The following DOT1L variants were observed in gnomAD, a reference collection of about 807,000 sequenced individuals.
DOT1L encodes DOT1 like histone lysine methyltransferase.
Under a neutral mutation model 153.3 loss-of-function variants are expected in DOT1L, and 33 were observed. The ratio of observed to expected loss-of-function variants is 0.22; its 90% CI spans 0.16 to 0.29. The LOEUF is 0.29. Ranked by LOEUF, DOT1L falls within the 10% of genes least tolerant of loss-of-function variation. DOT1L has a pLI of 1.00. For missense variants in DOT1L, 1,847 were observed against 2,119.9 expected, an observed-to-expected ratio of 0.87 and a Z score of 2.53; for synonymous variants, 1,135 against 965.1, an observed-to-expected ratio of 1.18 and a Z score of -3.26.
rs2023555167 is a variant in DOT1L at position 2,207,666 on chromosome 19, A to G, written c.949A>G (p.Ile317Val). 4 of 1,612,114 alleles carry G rather than the reference A, an allele frequency of 2.5e-6. No individual in the cohort carries two copies. The highest frequency in any genetic ancestry group is 1.3e-5 in the African/African-American group (1 of 74,850). ...GCCAGTCTCCTACTACCTGCACACT[A>G]TCGACCGCACCATAGTGAGTATCTC... is the stretch of plus-strand genomic sequence containing the variant. ...GKPVSYYLHT[I>V]DRTILENYFS... Residue 317 changes from isoleucine (I) to valine (V), a missense_variant, in exon 11 of 28, where the codon ATC becomes GTC. Around this residue, in one of 8 missense-constraint regions of DOT1L, gnomAD observed 148 missense variants for 422.3 expected, o/e 0.35. Transcript: ENST00000398665. The surrounding 1 kb of genome is among the most constrained non-coding windows in gnomAD (Gnocchi z 4.5).
rs965675718 is a variant in DOT1L, at chr19:2,191,776, C to G, written c.493+536C>G. On this transcript the variant is annotated intron_variant, in intron 5 of 27. Coordinates refer to ENST00000398665, the MANE Select transcript of DOT1L (RefSeq NM_032482.3). The surrounding 1 kb of genome is among the most constrained non-coding windows in gnomAD (Gnocchi z 6.8). ...CCCCTGCGTCTGGGCCGTGCCCTGC[C>G]CCTCCCAGGTTGGGGCTCCCACCTG... is the stretch of plus-strand genomic sequence containing the variant. 6.6e-6 allele frequency among the ~76,000 whole-genome samples: 1 copy of G among 152,114 alleles called. No individual in the cohort carries two copies. The highest frequency in any genetic ancestry group is 2.4e-5 in the African/African-American group (1 of 41,424).
In DOT1L at chr19:2,230,064, T is replaced by C; in HGVS notation, c.*272T>C. The C allele has an allele frequency of 1.7e-6, 1 of 603,410 alleles. No individual in the cohort carries two copies. The highest frequency in any genetic ancestry group is 2.9e-6 in the Non-Finnish European group (1 of 346,466). 37.4% of individuals were successfully genotyped at this position (603,410 alleles called of 1,614,324 possible). ...TTCCATCTAAGTGGTAAAAGGCAAC[T>C]TATTGAGAAATATAAATATCTATAT... On this transcript the variant is annotated 3_prime_UTR_variant, in exon 28 of 28. Transcript: ENST00000398665.
In DOT1L at chr19:2,216,458, C is replaced by T; in HGVS notation, c.2101C>T (p.Leu701=). The T allele has an allele frequency of 6.2e-7, 1 of 1,612,698 alleles. No homozygotes were observed. The highest frequency in any genetic ancestry group is 8.5e-7 in the Non-Finnish European group (1 of 1,179,946). The stretch of plus-strand genomic sequence containing the variant: ...GGAGCTGGACTGCACCAAGTTCTCG[C>T]TGCCTCACTTGAGCAGCATGAGCCC... ...HLELDCTKFS[L]PHLSSMSPEL... is the part of the protein sequence containing the mutation. The change falls in exon 20 of 28, where the codon CTG becomes TTG. Residue 701 remains leucine (L), a synonymous_variant. Transcript: ENST00000398665.
In DOT1L at chr19:2,179,766, C is replaced by T. The variant is rs905940140; in HGVS notation, c.82-947C>T. Among the ~76,000 whole-genome samples the T allele has an allele frequency of 3.9e-5, 6 of 152,220 alleles. No homozygotes were observed. In the East Asian group the frequency reaches 1.2e-3, roughly 29 times the overall value. ...AGGTTGCAGTGAGCCGAGATTGCAC[C>T]ACTTCACTCCAGCCTGGGCGACAAA... On this transcript the variant is annotated intron_variant, in intron 1 of 27. Coordinates refer to ENST00000398665, the MANE Select transcript of DOT1L (RefSeq NM_032482.3).
chr19:2,175,481 C>T (rs1249021846), intron 1 of DOT1L, among the ~76,000 whole-genome samples: 1 of 152,158 alleles, frequency 6.6e-6, no homozygotes, highest in Non-Finnish European at 1.5e-5. Flanking sequence ...GATAAATTTT[C>T]ATAACTTATT....
chr19:2,164,404 AC>A (rs2019828482), intron 1 of DOT1L, 139 bp downstream of exon 1: 1 of 511,080 alleles, frequency 2.0e-6, no homozygotes, highest in Non-Finnish European at 2.9e-6. Flanking sequence ...TCGCTGCTCC[AC>A]CCCCGTTGCT....
intron 2 of DOT1L, 127 bp from the exon 3 acceptor site, chr19:2,185,728 C>T (rs944203850): frequency 2.1e-5 from 20 of 953,936 alleles, no homozygotes; most frequent in African/African-American, 2.0e-4. Context: ...AAGATCACGA[C>T]ACTGCACTCC....
intron 1 of DOT1L, 124 bp downstream of exon 1, chr19:2,164,389 C>A: frequency 3.5e-6 from 2 of 577,812 alleles, no homozygotes; most frequent in Non-Finnish European, 5.0e-6. Context: ...CCCTGGACTC[C>A]ACTGTCGCTG....
At position 2,217,802 on chromosome 19, in the gene DOT1L, G is replaced by A. The variant is rs753001418; in HGVS notation, c.2575G>A (p.Gly859Arg). 32 of 1,605,068 alleles carry A rather than the reference G, an allele frequency of 2.0e-5. No individual in the cohort carries two copies. Among genetic ancestry groups the A allele is most frequent in the Middle Eastern group, 3.3e-4 (2 of 6,070 alleles). ...GAGAGAGCGCGCCTACGGCAGCAGC[G>A]GGGAGCTCATCACCAGCCTGCCCAT... The part of the protein sequence containing the change: ...GLRERAYGSS[G>R]ELITSLPISI... Residue 859 changes from glycine to arginine, a missense_variant, in exon 22 of 28, where the codon GGG becomes AGG. Physicochemically the swap from Gly to Arg is moderately radical, Grantham distance 125 (BLOSUM62 -2). Transcript: ENST00000398665. The surrounding 1 kb of genome is among the most constrained non-coding windows in gnomAD (Gnocchi z 7.3).
intron 1 of DOT1L, among the ~76,000 whole-genome samples, chr19:2,174,996 A>G (rs2891808): frequency 0.22 from 7,663 of 34,282 alleles, 239 homozygotes; most frequent in East Asian, 0.3. Flanking sequence ...GTGTGTGTGT[A>G]TATATATATT....
In DOT1L at chr19:2,220,400, G is replaced by C. The variant is rs758358615; in HGVS notation, c.2806+178G>C. 7.0e-6 allele frequency: 5 copies of C among 714,284 alleles called. No individual in the cohort carries two copies. Among genetic ancestry groups the C allele is most frequent in the South Asian group, 4.5e-5 (3 of 67,142 alleles). 44.2% of individuals were successfully genotyped at this position (714,284 alleles called of 1,614,324 possible). On this transcript the variant is annotated intron_variant, in intron 23 of 27. Transcript: ENST00000398665. The surrounding 1 kb of genome is among the most constrained non-coding windows in gnomAD (Gnocchi z 4.5). ...TCCTGCATCCCACGAGCTGGGATGCGGATCGGGCTCAGCTGCAGCCATCTC... is the reference window on the plus strand; with the variant it reads ...TCCTGCATCCCACGAGCTGGGATGCCGATCGGGCTCAGCTGCAGCCATCTC...
rs939872664 is a variant in DOT1L at position 2,191,312 on chromosome 19, C to T, written c.493+72C>T. 2.7e-6 allele frequency: 4 copies of T among 1,481,142 alleles called. No homozygotes were observed. In the African/African-American group the frequency reaches 4.2e-5, roughly 15 times the overall value. 91.7% of individuals were successfully genotyped at this position (1,481,142 alleles called of 1,614,324 possible). A position where few individuals can be genotyped will look rare whatever the true frequency, so the allele number is the denominator to read the frequency against. The stretch of plus-strand genomic sequence containing the variant: ...ACGCTCTGTGCCTGCCCCATGCCTG[C>T]TTGGAGAAGAGTTTATCAGGGACTT... On this transcript the variant is annotated intron_variant, in intron 5 of 27. Coordinates refer to ENST00000398665, the MANE Select transcript of DOT1L (RefSeq NM_032482.3). The surrounding 1 kb of genome is among the most constrained non-coding windows in gnomAD (Gnocchi z 6.8).
chr19:2,229,416 C>T (rs1599633945), intron 27 of DOT1L: 2 of 985,444 alleles, frequency 2.0e-6, no homozygotes, highest in South Asian at 4.7e-5. Flanking sequence ...GGAGCCAAGG[C>T]GGAGGCTGTG....
intron 9 of DOT1L, among the ~76,000 whole-genome samples, chr19:2,205,701 TG>T (rs1389134681): frequency 6.6e-6 from 1 of 152,062 alleles, no homozygotes; most frequent in Non-Finnish European, 1.5e-5. Flanking sequence ...TTTTTTGTTT[TG>T]TTTTTTTTTG....
intron 7 of DOT1L, 90 bp downstream of exon 7, chr19:2,194,667 G>GCACATGGCTGTTGT: frequency 1.3e-6 from 2 of 1,490,776 alleles, no homozygotes; most frequent in Non-Finnish European, 1.8e-6. Flanking sequence ...GCCGATGTTG[G>GCACATGGCTGTTGT]CACATGGCTG....
rs2144831750 is a variant in DOT1L, at chr19:2,210,712, G to A, written c.1208G>A (p.Gly403Glu). Residue 403 changes from glycine to glutamate, a missense_variant, in exon 14 of 28, where the codon GGG (glycine) becomes GAG (glutamate). Transcript: ENST00000398665. The part of the protein sequence containing the change: ...KARKKKLNKK[G>E]RKMAGRKRGR... ...CGCAAGAAGAAGCTAAACAAGAAGG[G>A]GAGGAAGATGGCTGGCCGCAAGCGC... 1 of 1,613,202 alleles carries A rather than the reference G, an allele frequency of 6.2e-7. No individual in the cohort carries two copies. Among genetic ancestry groups the A allele is most frequent in the Non-Finnish European group, 8.5e-7 (1 of 1,180,004 alleles).
At chr19:2,169,027 C>G (rs2020030046) in intron 1 of DOT1L, among the ~76,000 whole-genome samples, 1 of 152,200 alleles carries the variant, frequency 6.6e-6, no homozygotes, top group Admixed American at 6.5e-5. Flanking sequence ...AGAACGGGAC[C>G]TTCCCCCTGG....
At chr19:2,214,811 A>G (rs1039749184) in intron 19 of DOT1L, 8 of 601,808 alleles carry the variant, frequency 1.3e-5, no homozygotes, top group African/African-American at 1.3e-4. Context: ...TCTCGGGGGC[A>G]TCTCGGGATT....
At position 2,230,121 on chromosome 19, in the gene DOT1L, A is replaced by G; in HGVS notation, c.*329A>G. On this transcript the variant is annotated 3_prime_UTR_variant, in exon 28 of 28. Transcript: ENST00000398665. Reference sequence around the variant, plus strand: ...GCTCTATATAAAGACACGTGTCTGCAGGGCGGGCCCGCCAGCGGATTCGCC... The same window carrying G: ...GCTCTATATAAAGACACGTGTCTGCGGGGCGGGCCCGCCAGCGGATTCGCC... The G allele has an allele frequency of 1.9e-6, 1 of 521,052 alleles. No individual in the cohort carries two copies. The highest frequency in any genetic ancestry group is 3.3e-6 in the Non-Finnish European group (1 of 298,964). 32.3% of individuals were successfully genotyped at this position (521,052 alleles called of 1,614,324 possible).
Sources: allele counts gnomAD v4.1 joint callset (sites outside exome capture counted in the v4.1 genomes callset), GRCh38; gene constraint gnomAD v4.1.1; regional missense constraint gnomAD v4.1.1; non-coding constraint Gnocchi (gnomAD v3.1); transcripts MANE v1.5; gene names NCBI Gene and HGNC (gene_info 2026-07-23, HGNC 2026-07-21).